Variants in CHRM3 observed in about 807,000 individuals in gnomAD.
The protein encoded by CHRM3 is cholinergic receptor muscarinic 3, also known as muscarinic acetylcholine receptor M3.
A neutral mutation model predicts 41.8 loss-of-function variants in CHRM3; 11 were observed. The observed-to-expected ratio is 0.26, with a 90% confidence interval of 0.17 to 0.44. The LOEUF (loss-of-function observed/expected upper bound fraction) is 0.44. Among genes scored for constraint, CHRM3 ranks in the 20% least tolerant of loss-of-function variants. CHRM3 has a pLI of 1.00. For synonymous variants in CHRM3, 297 were observed against 301.4 expected (o/e 0.99, Z 0.15); for missense variants, 571 against 745.4 (o/e 0.77, Z 2.72).
intron 5 of CHRM3, among the ~76,000 whole-genome samples, chr1:239,694,549 A>C (rs1393124523): frequency 6.6e-6 from 1 of 152,238 alleles, no homozygotes; most frequent in East Asian, 1.9e-4. Flanking sequence ...ATGGTGAATT[A>C]ATATTTTTTG....
intron 3 of CHRM3, among the ~76,000 whole-genome samples, chr1:239,624,448 T>G (rs1377457935): frequency 1.2e-5 from 1 of 80,252 alleles, no homozygotes; most frequent in Admixed American, 1.5e-4. Flanking sequence ...ATGTTGTAGG[T>G]TGCCTGTTCA....
chr1:239,649,698 AAG>A (rs1341323677), intron 4 of CHRM3, among the ~76,000 whole-genome samples: 1 of 152,086 alleles, frequency 6.6e-6, no homozygotes, highest in Non-Finnish European at 1.5e-5. Flanking sequence ...ATGGGTGAGA[AAG>A]AGGACTACTG....
intron 3 of CHRM3, chr1:239,546,283 A>G (rs1204077329): frequency 6.6e-6 from 1 of 152,146 alleles, no homozygotes; most frequent in Non-Finnish European, 1.5e-5. Context: ...TCCTCATACT[A>G]GTCCCCTAAT....
At chr1:239,620,558 A>G (rs1456663370) in intron 3 of CHRM3, among the ~76,000 whole-genome samples, 1 of 152,130 alleles carries the variant, frequency 6.6e-6, no homozygotes, top group Admixed American at 6.6e-5. Context: ...TAGGAAACAA[A>G]ATTGCTACAA....
chr1:239,390,811 C>T (rs1216928363), intron 1 of CHRM3, among the ~76,000 whole-genome samples: 1 of 152,152 alleles, frequency 6.6e-6, no homozygotes, highest in Admixed American at 6.5e-5. Context: ...CAGTATAGAT[C>T]TCCATTAGTG....
At chr1:239,857,295 C>A (rs1675198046) in intron 6 of CHRM3, among the ~76,000 whole-genome samples, 2 of 151,994 alleles carry the variant, frequency 1.3e-5, no homozygotes, top group African/African-American at 4.8e-5. Flanking sequence ...AGGGAAAGAG[C>A]CAGAATAGAA....
At chr1:239,517,698 G>A (rs1669363601) in intron 2 of CHRM3, among the ~76,000 whole-genome samples, 1 of 152,124 alleles carries the variant, frequency 6.6e-6, no homozygotes, top group Admixed American at 6.5e-5. Flanking sequence ...CCACACCCAG[G>A]CACTACTTTT....
chr1:239,598,739 C>G (rs1000550787), intron 3 of CHRM3, among the ~76,000 whole-genome samples: 4 of 152,118 alleles, frequency 2.6e-5, no homozygotes, highest in Non-Finnish European at 5.9e-5. Flanking sequence ...CGAAGTACTC[C>G]TTACCTTTTC....
chr1:239,521,723 A>G, intron 2 of CHRM3, among the ~76,000 whole-genome samples: 1 of 152,290 alleles, frequency 6.6e-6, no homozygotes, highest in South Asian at 2.1e-4. Context: ...ATACCCACAG[A>G]TTAAACCAAT....
chr1:239,727,229 G>A (rs1447798687), intron 5 of CHRM3, among the ~76,000 whole-genome samples: 1 of 151,880 alleles, frequency 6.6e-6, no homozygotes, highest in Non-Finnish European at 1.5e-5. Context: ...TGCTTTGAAG[G>A]TAATTATTCC....
chr1:239,749,101 A>T lies in CHRM3; in HGVS notation c.-147+70813A>T, dbSNP rs576705956. Among the ~76,000 whole-genome samples, 8 of 152,266 alleles carry T rather than the reference A, an allele frequency of 5.3e-5. No individual in the cohort carries two copies. The South Asian group carries it at 1.2e-3, about 24-fold the overall frequency. On this transcript the variant is annotated intron_variant, in intron 5 of 6. Transcript: ENST00000676153. ...GATACATATTTATTTTTCTCCTCTCATTTTTGCCTTCTCTTTTAGTAAAAT... is the reference window on the plus strand; with the variant it reads ...GATACATATTTATTTTTCTCCTCTCTTTTTTGCCTTCTCTTTTAGTAAAAT...
At chr1:239,753,315 T>C (rs1383928655) in intron 5 of CHRM3, among the ~76,000 whole-genome samples, 1 of 152,138 alleles carries the variant, frequency 6.6e-6, no homozygotes, top group Non-Finnish European at 1.5e-5. Flanking sequence ...CACACTGCTA[T>C]AAAGAACTAC....
chr1:239,907,651 A>G lies in CHRM3; in HGVS notation c.200A>G (p.Gln67Arg). The change falls in exon 7 of 7, where the codon CAA becomes CGA. Residue 67 changes from glutamine to arginine, a missense_variant. Physicochemically the swap from Gln to Arg is conservative, Grantham distance 43. Around this residue, in one of 5 missense-constraint regions of CHRM3, gnomAD observed 153 missense variants for 296.3 expected, o/e 0.52. Transcript: ENST00000676153. This position sits in a 1 kb window ranked among gnomAD's most constrained non-coding sequence, Gnocchi z 5.4. ...DDPLGGHTVW[Q>R]VVFIAFLTGI... ...CCTCTGGGAGGTCATACCGTCTGGC[A>G]AGTGGTCTTCATCGCTTTCTTAACG... The G allele has an allele frequency of 6.2e-7, 1 of 1,614,108 alleles. No individual in the cohort carries two copies. The highest frequency in any genetic ancestry group is 8.5e-7 in the Non-Finnish European group (1 of 1,180,014).
chr1:239,505,187 G>A (rs530788319), intron 2 of CHRM3, among the ~76,000 whole-genome samples: 19 of 152,114 alleles, frequency 1.2e-4, no homozygotes, highest in Admixed American at 3.3e-4. Context: ...TTGCCTCTTA[G>A]AGCTGTGAGA....
At chr1:239,716,408 G>T (rs1662369266) in intron 5 of CHRM3, among the ~76,000 whole-genome samples, 1 of 152,048 alleles carries the variant, frequency 6.6e-6, no homozygotes, top group African/African-American at 2.4e-5. Context: ...AAAGACTATT[G>T]TAGTGAATAA....
chr1:239,849,060 A>G (rs772789845), intron 6 of CHRM3, among the ~76,000 whole-genome samples: 9 of 152,206 alleles, frequency 5.9e-5, no homozygotes, highest in Non-Finnish European at 1.2e-4. Context: ...ACTTTCAACA[A>G]TTTTAAGAAA....
At chr1:239,431,410 T>A (rs1162848287) in intron 1 of CHRM3, among the ~76,000 whole-genome samples, 4 of 152,154 alleles carry the variant, frequency 2.6e-5, no homozygotes, top group South Asian at 2.1e-4. Flanking sequence ...ACAAGGCAAA[T>A]AATGAAATTA....
At chr1:239,697,289 A>G (rs1037777128) in intron 5 of CHRM3, among the ~76,000 whole-genome samples, 19 of 152,102 alleles carry the variant, frequency 1.2e-4, no homozygotes, top group African/African-American at 4.6e-4. Flanking sequence ...GGTTTTATAA[A>G]GGCAAGTTTC....
chr1:239,531,958 C>CTAGAA (rs1473283212), intron 2 of CHRM3, among the ~76,000 whole-genome samples: 23 of 143,716 alleles, frequency 1.6e-4, no homozygotes, highest in Non-Finnish European at 2.7e-4. Flanking sequence ...CGTGCCTGGC[C>CTAGAA]TAGAATGGAT....
Sources: allele counts gnomAD v4.1 joint callset (sites outside exome capture counted in the v4.1 genomes callset), GRCh38; gene constraint gnomAD v4.1.1; regional missense constraint gnomAD v4.1.1; non-coding constraint Gnocchi (gnomAD v3.1); transcripts MANE v1.5; gene names NCBI Gene and HGNC (gene_info 2026-07-23, HGNC 2026-07-21).